Variants in GALNT11 observed in about 807,000 individuals in gnomAD.
GALNT11 encodes polypeptide N-acetylgalactosaminyltransferase 11, also known as UDP-GalNAc:polypeptide N-acetylgalactosaminyltransferase 11.
A neutral mutation model predicts 72.7 loss-of-function variants in GALNT11; 47 were observed. The observed-to-expected ratio is 0.65, with a 90% CI of 0.51 to 0.82. The LOEUF (loss-of-function observed/expected upper bound fraction) is 0.82, where lower values mean the gene tolerates loss of function less well. Ranked by LOEUF, GALNT11 falls within the 40% of genes least tolerant of loss-of-function variation. The pLI, the probability that GALNT11 is intolerant of heterozygous loss-of-function variation, is 0.00. For synonymous variants in GALNT11, 270 were observed against 286.6 expected (o/e 0.94, Z 0.58); for missense variants, 677 against 778.4 (o/e 0.87, Z 1.55).
chr7:152,111,344 C>T (rs889256429), intron 7 of GALNT11, among the ~76,000 whole-genome samples: 1 of 150,904 alleles, frequency 6.6e-6, no homozygotes, highest in African/African-American at 2.4e-5. Flanking sequence ...TGTAGAGATG[C>T]GAGTCTCACT....
intron 1 of GALNT11, among the ~76,000 whole-genome samples, chr7:152,054,501 G>GT (rs1563049218): frequency 1.3e-4 from 11 of 85,270 alleles, no homozygotes; most frequent in South Asian, 3.5e-4. Flanking sequence ...TTTTTTTCTT[G>GT]TCTTTTTTTT....
chr7:152,103,198 G>A lies in GALNT11; in HGVS notation c.506G>A (p.Arg169Gln), dbSNP rs780543861. The A allele has an allele frequency of 5.4e-5, 87 of 1,613,370 alleles. No homozygotes were observed. The highest frequency in any genetic ancestry group is 7.0e-5 in the Non-Finnish European group (83 of 1,179,768). Reference protein sequence around the residue: ...FYNEAFSALLRTVHSVIDRTP... With the variant: ...FYNEAFSALLQTVHSVIDRTP... ...AATGAAGCGTTTTCTGCCTTGCTTC[G>A]GACAGTGCACAGTGTCATAGACCGC... Residue 169 changes from arginine (R) to glutamine (Q), a missense_variant, in exon 4 of 12, where the codon CGG becomes CAG. Coordinates refer to ENST00000430044, the MANE Select transcript of GALNT11 (RefSeq NM_022087.4).
chr7:152,069,848 A>T (rs983786865), intron 1 of GALNT11, among the ~76,000 whole-genome samples: 3 of 152,122 alleles, frequency 2.0e-5, no homozygotes, highest in African/African-American at 7.2e-5. Context: ...TTTTTAAAAA[A>T]TTTTGTCCAC....
intron 1 of GALNT11, among the ~76,000 whole-genome samples, chr7:152,042,774 C>A (rs2082927262): frequency 6.6e-6 from 1 of 152,158 alleles, no homozygotes; most frequent in African/African-American, 2.4e-5. Flanking sequence ...TTTATAGGTA[C>A]AGAAGTTATA....
intron 1 of GALNT11, among the ~76,000 whole-genome samples, chr7:152,081,050 T>C (rs1349826357): frequency 2.6e-5 from 4 of 152,178 alleles, no homozygotes; most frequent in Non-Finnish European, 4.4e-5. Context: ...GATCTTCTAC[T>C]GTGTTCCTAG....
intron 1 of GALNT11, among the ~76,000 whole-genome samples, chr7:152,088,247 AT>A (rs2085778402): frequency 6.6e-6 from 1 of 152,102 alleles, no homozygotes. Context: ...TTGTTGTTTC[AT>A]TGTTTAGTAT....
chr7:152,112,279 G>A (rs187315416), intron 7 of GALNT11, among the ~76,000 whole-genome samples: 112 of 152,236 alleles, frequency 7.4e-4, no homozygotes, highest in Middle Eastern at 3.4e-3. Flanking sequence ...GGTGGCTCAC[G>A]CCTATAATCC....
chr7:152,027,939 C>T (rs912815425), intron 1 of GALNT11, among the ~76,000 whole-genome samples: 3 of 151,488 alleles, frequency 2.0e-5, no homozygotes, highest in African/African-American at 7.3e-5. Context: ...CAGGAGTCAA[C>T]CTGCAGACCT....
chr7:152,053,246 CCTTCCTGT>C (rs2083485246), intron 1 of GALNT11, among the ~76,000 whole-genome samples: 5 of 152,160 alleles, frequency 3.3e-5, no homozygotes, highest in Admixed American at 3.3e-4. Flanking sequence ...CATCAGATCC[CCTTCCTGT>C]CTTCATATAA....
intron 1 of GALNT11, among the ~76,000 whole-genome samples, chr7:152,089,101 TCA>T (rs1229180578): frequency 6.6e-6 from 1 of 152,114 alleles, no homozygotes; most frequent in Admixed American, 6.5e-5. Context: ...TCCTGAGGGC[TCA>T]GAGTTTAGGG....
At chr7:152,064,355 A>G (rs1221864073) in intron 1 of GALNT11, among the ~76,000 whole-genome samples, 1 of 152,190 alleles carries the variant, frequency 6.6e-6, no homozygotes, top group East Asian at 1.9e-4. Context: ...GTGTCTCTGC[A>G]CATGAGATGG....
intron 1 of GALNT11, among the ~76,000 whole-genome samples, chr7:152,072,582 T>G (rs1326991859): frequency 6.6e-6 from 1 of 152,224 alleles, no homozygotes; most frequent in African/African-American, 2.4e-5. Flanking sequence ...GTCAAATTAT[T>G]CGTGCTGAAT....
intron 1 of GALNT11, among the ~76,000 whole-genome samples, chr7:152,093,318 A>T (rs550986417): frequency 6.6e-6 from 1 of 152,230 alleles, no homozygotes; most frequent in Admixed American, 6.5e-5. Context: ...GTGAGGGAAT[A>T]TAATTACTTG....
chr7:152,037,580 G>T (rs1480557919), intron 1 of GALNT11, among the ~76,000 whole-genome samples: 4 of 151,916 alleles, frequency 2.6e-5, no homozygotes, highest in African/African-American at 7.3e-5. Context: ...TGGGTCTTTT[G>T]TTATTCCATA....
chr7:152,059,259 C>CTT (rs996764906), intron 1 of GALNT11, among the ~76,000 whole-genome samples: 1 of 148,422 alleles, frequency 6.7e-6, no homozygotes, highest in Admixed American at 6.7e-5. Flanking sequence ...CCATGCCCAA[C>CTT]TTTTTTTTTT....
rs149038565 is a variant in GALNT11, at chr7:152,038,849, A to G, written c.-39+12965A>G. Among the ~76,000 whole-genome samples, 410 of 152,350 alleles carry G rather than the reference A, an allele frequency of 2.7e-3. 8 individuals are homozygous for G. The highest frequency in any genetic ancestry group is 0.015 in the Admixed American group (235 of 15,304). On this transcript the variant is annotated intron_variant, in intron 1 of 11. Transcript: ENST00000430044. ...CACTCTAGTTCCTGGCATTAAGGTC[A>G]AGTGTGGCTGTGATGCTTTAAATAT...
At position 152,110,566 on chromosome 7, in the gene GALNT11, G is replaced by C. The variant is rs753012330; in HGVS notation, c.1001G>C (p.Arg334Thr). 1.2e-6 allele frequency: 2 copies of C among 1,613,546 alleles called. No individual in the cohort carries two copies. Among genetic ancestry groups the C allele is most frequent in the South Asian group, 2.2e-5 (2 of 90,810 alleles). The change falls in exon 7 of 12, where the codon AGA becomes ACA. Residue 334 changes from arginine (R) to threonine (T), a missense_variant. Arg to Thr is a moderately conservative substitution (Grantham distance 71). Coordinates refer to ENST00000430044, the MANE Select transcript of GALNT11 (RefSeq NM_022087.4). ...TMAGGLFAMN[R>T]QYFHELGQYD... ...GCTGGAGGTTTGTTTGCCATGAACA[G>C]ACAGTATTTCCATGAACTTGGACAG...
chr7:152,049,985 C>G (rs1180484400), intron 1 of GALNT11, among the ~76,000 whole-genome samples: 1 of 152,110 alleles, frequency 6.6e-6, no homozygotes, highest in East Asian at 1.9e-4. Context: ...GCTGCCAGGC[C>G]TGAGACTCTC....
intron 1 of GALNT11, chr7:152,079,246 G>C (rs2085174301): frequency 6.6e-6 from 1 of 152,170 alleles, no homozygotes; most frequent in Non-Finnish European, 1.5e-5. Flanking sequence ...CCTGAGGCTA[G>C]CTTTTACCTG....
Sources: allele counts gnomAD v4.1 joint callset (sites outside exome capture counted in the v4.1 genomes callset), GRCh38; gene constraint gnomAD v4.1.1; transcripts MANE v1.5; gene names NCBI Gene and HGNC (gene_info 2026-07-23, HGNC 2026-07-21).